Variants in NAPSA observed in about 807,000 individuals in gnomAD.
NAPSA encodes the protein napsin A aspartic peptidase, also known as napsin-A.
Under a neutral mutation model 36.7 loss-of-function variants are expected in NAPSA, and 37 were observed. The observed-to-expected ratio is 1.01, with a 90% confidence interval of 0.78 to 1.33. The LOEUF is 1.33. NAPSA is among the 40% of genes most tolerant of loss of function. The pLI, the probability that NAPSA is intolerant of heterozygous loss-of-function variation, is 0.00. For synonymous variants in NAPSA, 222 were observed against 234.5 expected (o/e 0.95, Z 0.49); for missense variants, 532 against 543.8 (o/e 0.98, Z 0.21).
At chr19:50,369,110 G>A (rs929522760), upstream of NAPSA, 3 of 152,246 alleles carry the variant, frequency 2.0e-5, no homozygotes, top group Non-Finnish European at 4.4e-5. Flanking sequence ...ATCCCCTCAG[G>A]AAGTGATTAG....
In NAPSA at chr19:50,358,736, G is replaced by A; in HGVS notation, c.1080C>T (p.Ala360=). ...GCCCTGCAGGCGGAGGGACATCCAG[G>A]GCCTGGAAACCGGACAAGCAGAGGC... ...GVRLCLSGFQ[A]LDVPPPAGPF... is the part of the protein sequence containing the mutation. The change falls in exon 9 of 9, where the codon GCC becomes GCT. Residue 360 remains alanine, a synonymous_variant. Coordinates refer to ENST00000253719, the MANE Select transcript of NAPSA (RefSeq NM_004851.3). The A allele has an allele frequency of 1.2e-6, 2 of 1,613,452 alleles. No individual in the cohort carries two copies. Among genetic ancestry groups the A allele is most frequent in the Non-Finnish European group, 1.7e-6 (2 of 1,179,958 alleles).
intron 4 of NAPSA, 119 bp downstream of exon 4, chr19:50,361,544 T>C: frequency 1.1e-6 from 1 of 870,484 alleles, no homozygotes; most frequent in Non-Finnish European, 1.9e-6. Flanking sequence ...TCCTCCCCAC[T>C]TGAAAAGCCC....
At chr19:50,364,825 C>G (rs929309988) in intron 1 of NAPSA, among the ~76,000 whole-genome samples, 7 of 148,770 alleles carry the variant, frequency 4.7e-5, no homozygotes, top group Admixed American at 1.4e-4. Context: ...AACCCCATCT[C>G]TACTAAAAAT....
rs759389353 is a variant in NAPSA, at chr19:50,359,751, G to T, written c.780C>A (p.Ile260=). 2 of 1,614,228 alleles carry T rather than the reference G, an allele frequency of 1.2e-6. No homozygotes were observed. The highest frequency in any genetic ancestry group is 2.2e-5 in the South Asian group (2 of 91,090). ...VPVTVPAYWQ[I]HMERVKVGPG... Reference sequence around the variant, plus strand: ...ACCAAGTCCCTCACCGCTCCATGTGGATCTGCCAGTAGGCAGGGACCGTGA... The same window carrying T: ...ACCAAGTCCCTCACCGCTCCATGTGTATCTGCCAGTAGGCAGGGACCGTGA... Residue 260 remains isoleucine, a synonymous_variant, in exon 6 of 9, where the codon ATC becomes ATA. Coordinates refer to ENST00000253719, the MANE Select transcript of NAPSA (RefSeq NM_004851.3).
In NAPSA at chr19:50,365,592, C is replaced by T; in HGVS notation, c.30G>A (p.Leu10=). The change falls in exon 1 of 9, where the codon CTG becomes CTA. Residue 10 remains leucine (L), a synonymous_variant. Coordinates refer to ENST00000253719, the MANE Select transcript of NAPSA (RefSeq NM_004851.3). ...CATTCAGCAGAGGCAGCAGCAGCAGCAGGGGTTGCAGCAGCGGTGGTGGAG... is the reference window on the plus strand; with the variant it reads ...CATTCAGCAGAGGCAGCAGCAGCAGTAGGGGTTGCAGCAGCGGTGGTGGAG... MSPPPLLQP[L]LLLLPLLNVE... The T allele has an allele frequency of 6.2e-7, 1 of 1,612,824 alleles. No individual in the cohort carries two copies.
intron 7 of NAPSA, 25 bp downstream of exon 7, chr19:50,359,478 C>T (rs747800672): frequency 1.7e-5 from 28 of 1,613,586 alleles, no homozygotes; most frequent in South Asian, 9.9e-5. Flanking sequence ...CTTCCCAGCC[C>T]GTACCCACCA....
chr19:50,366,793 G>A (rs893703364), upstream of NAPSA, among the ~76,000 whole-genome samples: 1 of 150,792 alleles, frequency 6.6e-6, no homozygotes, highest in African/African-American at 2.4e-5. Context: ...TCAGCCTCCC[G>A]AGTAGCTGGG....
At chr19:50,363,475 G>C (rs1016722203) in intron 1 of NAPSA, among the ~76,000 whole-genome samples, 7 of 152,054 alleles carry the variant, frequency 4.6e-5, no homozygotes, top group African/African-American at 1.4e-4. Context: ...TGATCTCCAG[G>C]GCTCAAGTGA....
At chr19:50,365,005 AATAATAAAT>A (rs1410954022) in intron 1 of NAPSA, among the ~76,000 whole-genome samples, 100 of 110,110 alleles carry the variant, frequency 9.1e-4, no homozygotes, top group African/African-American at 4.0e-3. Flanking sequence ...TAATAATAAT[AATAATAAAT>A]AATAATAATA....
chr19:50,359,871 G>A lies in NAPSA; in HGVS notation c.669-9C>T, dbSNP rs1178654754. ...CAGGCTCTTCAGGGTCCCTGCAGGG[G>A]CAGAGTGTAGAGAGTGTAGATGTCA... On this transcript the variant is annotated splice_polypyrimidine_tract_variant and intron_variant, in intron 5 of 8. Coordinates refer to ENST00000253719, the MANE Select transcript of NAPSA (RefSeq NM_004851.3). 1.2e-6 allele frequency: 2 copies of A among 1,613,120 alleles called. No individual in the cohort carries two copies. The highest frequency in any genetic ancestry group is 1.7e-6 in the Non-Finnish European group (2 of 1,179,480).
chr19:50,365,677 G>T (rs2037540828), upstream of NAPSA: 1 of 1,467,858 alleles, frequency 6.8e-7, no homozygotes, highest in South Asian at 1.2e-5. Context: ...TCTTTCCCCT[G>T]TGACTCCACC....
At chr19:50,364,076 T>C (rs527444351) in intron 1 of NAPSA, among the ~76,000 whole-genome samples, 4 of 152,024 alleles carry the variant, frequency 2.6e-5, no homozygotes, top group South Asian at 4.2e-4. Context: ...TCCCAGCACT[T>C]TGGGAGGCTG....
upstream of NAPSA, chr19:50,365,652 C>T (rs1353606433): frequency 1.3e-6 from 2 of 1,569,288 alleles, no homozygotes; most frequent in Non-Finnish European, 1.7e-6. Flanking sequence ...ACCCAGGTGT[C>T]CTGGGGCCTC....
At chr19:50,360,562 G>A (rs184155025) in intron 5 of NAPSA, among the ~76,000 whole-genome samples, 10 of 152,322 alleles carry the variant, frequency 6.6e-5, no homozygotes, top group Non-Finnish European at 1.3e-4. Context: ...CTTCTGGTCA[G>A]TGTTCTCAAA....
chr19:50,368,770 T>TCCCAGCCAAGATTC (rs940738288), upstream of NAPSA, among the ~76,000 whole-genome samples: 1 of 152,180 alleles, frequency 6.6e-6, no homozygotes, highest in Non-Finnish European at 1.5e-5. Context: ...GGGCCTGTTT[T>TCCCAGCCAAGATTC]CCCAGCCAAG....
intron 4 of NAPSA, 166 bp downstream of exon 4, chr19:50,361,494 CCTT>C (rs1471899780): frequency 9.2e-6 from 6 of 654,938 alleles, no homozygotes; most frequent in South Asian, 3.8e-5. Context: ...CCCTCCCCCT[CCTT>C]GTGACGCACC....
chr19:50,368,686 C>A (rs1255376572), upstream of NAPSA, among the ~76,000 whole-genome samples: 1 of 152,170 alleles, frequency 6.6e-6, no homozygotes, highest in African/African-American at 2.4e-5. Flanking sequence ...CCCCATCCAA[C>A]TGCACCCAAG....
intron 4 of NAPSA, 119 bp from the exon 5 acceptor site, chr19:50,361,259 C>T: frequency 1.2e-6 from 1 of 821,966 alleles, no homozygotes; most frequent in Non-Finnish European, 2.0e-6. Context: ...CAAGCCCCAA[C>T]TTCCTAGGAA....
In NAPSA at chr19:50,362,041, C is replaced by T; in HGVS notation, c.277G>A (p.Val93Ile). Residue 93 changes from valine to isoleucine, a missense_variant, in exon 3 of 9, where the codon GTT becomes ATT. Val to Ile is a conservative substitution (Grantham distance 29). Transcript: ENST00000253719. ...TTGGAGGAGCCAGTGTCAAAGGCAA[C>T]AGTGAAGTTTTGTGGAGGCGTTCCC... ...GLGTPPQNFT[V>I]AFDTGSSNLW... is the part of the protein sequence containing the mutation. The T allele has an allele frequency of 6.2e-7, 1 of 1,613,298 alleles. No individual in the cohort carries two copies. The highest frequency in any genetic ancestry group is 8.5e-7 in the Non-Finnish European group (1 of 1,179,772).
Sources: gnomAD v4.1 joint callset for allele counts (sites outside exome capture counted in the v4.1 genomes callset) on GRCh38, gnomAD v4.1.1 for gene constraint, MANE v1.5 for transcripts, NCBI Gene and HGNC (gene_info 2026-07-23, HGNC 2026-07-21) for gene names.